Variants in MED14 observed in about 807,000 individuals in gnomAD.
MED14 encodes the protein mediator complex subunit 14.
In MED14, 8 loss-of-function variants were observed where a neutral mutation model predicts 109.0. The ratio of observed to expected loss-of-function variants is 0.07; its 90% CI spans 0.04 to 0.13. The LOEUF (loss-of-function observed/expected upper bound fraction) is 0.13, where lower values mean the gene tolerates loss of function less well. Ranked by LOEUF, MED14 falls within the 10% of genes least tolerant of loss-of-function variation. The pLI, the probability that MED14 is intolerant of heterozygous loss-of-function variation, is 1.00. For synonymous variants in MED14, 399 were observed against 408.7 expected (o/e 0.98, Z 0.29); for missense variants, 711 against 1,142.4 (o/e 0.62, Z 5.44).
chrX:40,704,313 T>C (rs777935041), intron 10 of MED14, among the ~76,000 whole-genome samples: 8 of 111,992 alleles, frequency 7.1e-5, no homozygotes, highest in Non-Finnish European at 1.3e-4. Flanking sequence ...GCTGATCAGA[T>C]TGAGGGGTTG....
At chrX:40,702,369 C>T (rs1265523783) in intron 11 of MED14, among the ~76,000 whole-genome samples, 1 of 74,732 alleles carries the variant, frequency 1.3e-5, no homozygotes, top group African/African-American at 6.2e-5. Flanking sequence ...TTTTTTGAGA[C>T]GGAGTCTCGC....
At chrX:40,702,416 G>A (rs1185628532) in intron 11 of MED14, among the ~76,000 whole-genome samples, 5 of 97,289 alleles carry the variant, frequency 5.1e-5, no homozygotes, top group Non-Finnish European at 9.9e-5. Context: ...GCGCGATCTC[G>A]GCTCACTGCA....
chrX:40,695,297 A>G (rs1488167599), intron 13 of MED14, among the ~76,000 whole-genome samples: 2 of 112,276 alleles, frequency 1.8e-5, no homozygotes, highest in Non-Finnish European at 3.8e-5. Flanking sequence ...TATGTAAATT[A>G]TATCTTAATA....
chrX:40,712,154 A>G, intron 7 of MED14, 32 bp downstream of exon 7: 1 of 1,065,566 alleles, frequency 9.4e-7, no homozygotes, highest in Non-Finnish European at 1.3e-6. Context: ...CAAAATCCTT[A>G]CAAATATATG....
chrX:40,713,711 G>C, intron 5 of MED14, 67 bp downstream of exon 5: 1 of 1,140,770 alleles, frequency 8.8e-7, no homozygotes, highest in Non-Finnish European at 1.2e-6. Flanking sequence ...CCAAAGTGCT[G>C]AGATTACAGG....
At position 40,735,448 on chromosome X, in the gene MED14, G is replaced by A; in HGVS notation, c.-36C>T. 2 of 1,104,198 alleles carry A rather than the reference G, an allele frequency of 1.8e-6. No individual in the cohort carries two copies. The highest frequency in any genetic ancestry group is 1.2e-6 in the Non-Finnish European group (1 of 827,521). 91.0% of individuals were successfully genotyped at this position (1,104,198 alleles called of 1,213,427 possible). On this transcript the variant is annotated 5_prime_UTR_variant, in exon 1 of 31. Transcript: ENST00000324817. ...GACCGGGCTTGGCGCAACGGCACAC[G>A]ATGCGGTCCTCGAGCCTCCCGGGCG...
At chrX:40,725,256 C>G (rs1051387678) in intron 3 of MED14, among the ~76,000 whole-genome samples, 8 of 111,638 alleles carry the variant, frequency 7.2e-5, no homozygotes, top group Non-Finnish European at 1.5e-4. Context: ...CATTTAAAGA[C>G]AAACTAATAC....
chrX:40,666,898 TG>T, intron 23 of MED14, 47 bp from the exon 24 acceptor site: 1 of 1,085,942 alleles, frequency 9.2e-7, no homozygotes, highest in Non-Finnish European at 1.2e-6. Flanking sequence ...ACACATTTTA[TG>T]TCCTGTCCAA....
chrX:40,735,527 G>C lies in MED14; in HGVS notation c.-115C>G. The stretch of plus-strand genomic sequence containing the variant: ...GCAGAGTCGCCACCGCCTACCGCCG[G>C]GCCGCCTCAGAACAGGAAGCCGTGC... On this transcript the variant is annotated 5_prime_UTR_variant, in exon 1 of 31. Coordinates refer to ENST00000324817, the MANE Select transcript of MED14 (RefSeq NM_004229.4). The C allele has an allele frequency of 1.4e-6, 1 of 732,575 alleles. No homozygotes were observed. Among genetic ancestry groups the C allele is most frequent in the Non-Finnish European group, 2.0e-6 (1 of 488,765 alleles). The allele number at this position is 732,575 out of a possible 1,213,427, so 60.4% of individuals were successfully genotyped here. A position where few individuals can be genotyped will look rare whatever the true frequency, so the allele number is the denominator to read the frequency against.
intron 24 of MED14, among the ~76,000 whole-genome samples, chrX:40,666,213 G>T (rs1322031785): frequency 1.8e-5 from 2 of 111,886 alleles, no homozygotes; most frequent in Non-Finnish European, 3.8e-5. Flanking sequence ...ATATCTACAT[G>T]TTTCTGGGAA....
At chrX:40,701,273 T>G (rs780546887) in intron 11 of MED14, 30 bp from the exon 12 acceptor site, 1 of 989,497 alleles carries the variant, frequency 1.0e-6, no homozygotes, top group Admixed American at 2.6e-5. Flanking sequence ...ATTAATTAAT[T>G]GCTTATATGA....
intron 3 of MED14, among the ~76,000 whole-genome samples, chrX:40,723,545 A>G (rs1356788573): frequency 1.8e-5 from 2 of 108,780 alleles, no homozygotes; most frequent in East Asian, 5.7e-4. Flanking sequence ...ATGCACCTGT[A>G]ATCCCAGCTA....
intron 11 of MED14, among the ~76,000 whole-genome samples, chrX:40,702,001 C>T (rs1602476627): frequency 9.0e-6 from 1 of 111,196 alleles, no homozygotes; most frequent in East Asian, 2.8e-4. Flanking sequence ...CTTATAAGAA[C>T]GGATGCCAGA....
intron 13 of MED14, among the ~76,000 whole-genome samples, chrX:40,696,707 AG>A (rs1347413675): frequency 8.9e-6 from 1 of 111,872 alleles, no homozygotes; most frequent in African/African-American, 3.3e-5. Flanking sequence ...AAGTGAAACA[AG>A]TTTATCTGAC....
chrX:40,689,505 C>A (rs1930416695), intron 15 of MED14, among the ~76,000 whole-genome samples: 1 of 110,821 alleles, frequency 9.0e-6, no homozygotes, highest in Non-Finnish European at 1.9e-5. Context: ...ACGAGCCTAG[C>A]CAACATGGTA....
At chrX:40,710,523 G>A (rs1315728186) in intron 8 of MED14, among the ~76,000 whole-genome samples, 1 of 111,437 alleles carries the variant, frequency 9.0e-6, no homozygotes, top group Non-Finnish European at 1.9e-5. Flanking sequence ...GTTACAAACA[G>A]TCCAATAGGA....
At chrX:40,663,243 T>C (rs1929351823) in intron 25 of MED14, 83 bp from the exon 26 acceptor site, 2 of 748,447 alleles carry the variant, frequency 2.7e-6, no homozygotes, top group Non-Finnish European at 4.0e-6. Context: ...CATAAATCTT[T>C]GATGTTCTAA....
chrX:40,723,508 A>G (rs1931790053), intron 3 of MED14, among the ~76,000 whole-genome samples: 1 of 108,797 alleles, frequency 9.2e-6, no homozygotes, highest in South Asian at 4.0e-4. Flanking sequence ...TCTACTAAAA[A>G]TACAAAAATT....
At position 40,695,484 on chromosome X, in the gene MED14, G is replaced by C. The variant is rs762795586; in HGVS notation, c.1650+1540C>G. Among the ~76,000 whole-genome samples, 4 of 111,652 alleles carry C rather than the reference G, an allele frequency of 3.6e-5. No individual in the cohort carries two copies. In the South Asian group the frequency reaches 1.5e-3, roughly 42 times the overall value. On this transcript the variant is annotated intron_variant, in intron 13 of 30. Transcript: ENST00000324817. ...CGAGGAATAATCTACATTCAGTTTT[G>C]GTCTAAGCCATATGAAACAAATTAT...
Sources: gnomAD v4.1 joint callset for allele counts (sites outside exome capture counted in the v4.1 genomes callset) on GRCh38, gnomAD v4.1.1 for gene constraint, MANE v1.5 for transcripts, NCBI Gene and HGNC (gene_info 2026-07-23, HGNC 2026-07-21) for gene names.